The following ANKMY1 variants were observed in gnomAD, a reference collection of about 807,000 sequenced individuals.
ANKMY1 encodes ankyrin repeat and MYND domain-containing protein 1.
In ANKMY1, 98 loss-of-function variants were observed where a neutral mutation model predicts 102.0. The observed-to-expected ratio is 0.96, with a 90% CI of 0.82 to 1.14. ANKMY1 has a LOEUF of 1.14. ANKMY1 is among the 50% of genes most tolerant of loss of function. The pLI is 0.00. For missense variants in ANKMY1, 1,330 were observed against 1,347.6 expected (o/e 0.99, Z 0.20); for synonymous variants, 582 against 559.9 (o/e 1.04, Z -0.56).
chr2:240,520,257 A>G lies in ANKMY1; in HGVS notation c.2004+105T>C, dbSNP rs934220394. ...CTCACAGCCCAGGTGGTCGCCTGCA[A>G]GAGCCCACCCCTCTCTTCCGCGCCT... is the stretch of plus-strand genomic sequence containing the variant. On this transcript the variant is annotated intron_variant, in intron 9 of 17. Transcript: ENST00000401804. The surrounding 1 kb of genome is among the most constrained non-coding windows in gnomAD (Gnocchi z 4.8). 3 of 1,474,448 alleles carry G rather than the reference A, an allele frequency of 2.0e-6. No individual in the cohort carries two copies. In the South Asian group the frequency reaches 3.8e-5, roughly 19 times the overall value. 91.3% of individuals were successfully genotyped at this position (1,474,448 alleles called of 1,614,324 possible).
intron 3 of ANKMY1, 30 bp from the exon 4 acceptor site, chr2:240,553,087 G>C (rs371021587): frequency 1.2e-6 from 2 of 1,608,768 alleles, no homozygotes; most frequent in African/African-American, 2.7e-5. Context: ...GTGAGAAATT[G>C]CTGCTCTTCC....
At chr2:240,547,602 T>G (rs2090651659) in intron 4 of ANKMY1, among the ~76,000 whole-genome samples, 1 of 145,960 alleles carries the variant, frequency 6.9e-6, no homozygotes, top group Non-Finnish European at 1.5e-5. Context: ...TCAACAAAAT[T>G]GATAGACTGC....
At chr2:240,548,676 C>T (rs932542294) in intron 4 of ANKMY1, among the ~76,000 whole-genome samples, 1 of 151,724 alleles carries the variant, frequency 6.6e-6, no homozygotes, top group Admixed American at 6.6e-5. Flanking sequence ...TCTCAGGATA[C>T]AAAATCAATG....
rs755311374 is a variant in ANKMY1 at position 240,553,064 on chromosome 2, G to C, written c.337-7C>G. ...AAAACTGCCCATGGTATGACTGTGA[G>C]ATGGAGAAGTTGGTGAGAAATTGCT... is the stretch of plus-strand genomic sequence containing the variant. On this transcript the variant is annotated splice_polypyrimidine_tract_variant and splice_region_variant and intron_variant, in intron 3 of 17. Transcript: ENST00000401804. The C allele has an allele frequency of 6.2e-7, 1 of 1,610,860 alleles. No individual in the cohort carries two copies. Among genetic ancestry groups the C allele is most frequent in the Admixed American group, 1.7e-5 (1 of 59,904 alleles).
rs758770833 is a variant in ANKMY1, at chr2:240,500,560, G to A, written c.2532C>T (p.Asp844=). 1.9e-6 allele frequency: 3 copies of A among 1,613,908 alleles called. No individual in the cohort carries two copies. Among genetic ancestry groups the A allele is most frequent in the Non-Finnish European group, 2.5e-6 (3 of 1,179,850 alleles). Residue 844 remains aspartate (D), a synonymous_variant, in exon 14 of 18, where the codon GAC becomes GAT. Coordinates refer to ENST00000401804, the MANE Select transcript of ANKMY1 (RefSeq NM_001282771.3). ...TGTCGGCCCCGTGACTGATGAGTCG[G>A]TCAATCTGTGGAGAACAGAACCAGG... The part of the protein sequence containing the change: ...RNMDSKLALI[D]RLISHGADIL...
At chr2:240,515,066 AC>A (rs1484402707) in intron 9 of ANKMY1, among the ~76,000 whole-genome samples, 53 of 152,374 alleles carry the variant, frequency 3.5e-4, no homozygotes, top group African/African-American at 1.3e-3. Context: ...AGGCCCAGAG[AC>A]TATCGTAAAA....
At chr2:240,555,131 G>T in intron 2 of ANKMY1, 76 bp from the exon 3 acceptor site, 1 of 1,470,206 alleles carries the variant, frequency 6.8e-7, no homozygotes, top group Non-Finnish European at 9.4e-7. Context: ...CACAACCCCC[G>T]AGCACAACCC....
intron 15 of ANKMY1, among the ~76,000 whole-genome samples, chr2:240,488,723 A>G (rs2076323713): frequency 6.6e-6 from 1 of 152,074 alleles, no homozygotes; most frequent in Admixed American, 6.6e-5. Flanking sequence ...ATTTTTTTGT[A>G]GCCATTGTAA....
chr2:240,510,945 C>A (rs929729467), intron 11 of ANKMY1, among the ~76,000 whole-genome samples: 3 of 152,104 alleles, frequency 2.0e-5, no homozygotes, highest in African/African-American at 7.2e-5. Flanking sequence ...AGCCGCCTTC[C>A]TGGAGCCTCA....
the ANKMY1 span, among the ~76,000 whole-genome samples, chr2:240,471,353 G>A: frequency 1.3e-5 from 2 of 151,154 alleles, no homozygotes; most frequent in Admixed American, 1.3e-4. Context: ...CTGCCTCCCG[G>A]GTTCAAGCGA....
In ANKMY1 at chr2:240,499,200, T is replaced by C. The variant is rs561187777; in HGVS notation, c.2806+758A>G. On this transcript the variant is annotated intron_variant, in intron 15 of 17. Transcript: ENST00000401804. This position sits in a 1 kb window ranked among gnomAD's most constrained non-coding sequence, Gnocchi z 4.2. ...GGATCAGCAGGTTCCGGTGTGTGTGTGCACACACGTGTTAACACGTGACAG... is the reference window on the plus strand; with the variant it reads ...GGATCAGCAGGTTCCGGTGTGTGTGCGCACACACGTGTTAACACGTGACAG... 8.3e-4 allele frequency among the ~76,000 whole-genome samples: 126 copies of C among 152,158 alleles called. No individual in the cohort carries two copies. The highest frequency in any genetic ancestry group is 2.9e-3 in the African/African-American group (119 of 41,508).
In ANKMY1 at chr2:240,529,220, G is replaced by A. The variant is rs1408763716; in HGVS notation, c.770C>T (p.Pro257Leu). 1.4e-5 allele frequency: 23 copies of A among 1,614,094 alleles called. No individual in the cohort carries two copies. The Admixed American group carries it at 3.7e-4, about 26-fold the overall frequency. ...FLLNDNLTLP[P>L]EMYVYSTNSD... ...GTTGGTCGAGTAGACATACATTTCT[G>A]GAGGCAGCGTTAGGTTGTCATTCAG... The change falls in exon 5 of 18, where the codon CCA becomes CTA. Residue 257 changes from proline to leucine, a missense_variant. Physicochemically the swap from Pro to Leu is moderately conservative, Grantham distance 98. Transcript: ENST00000401804. The surrounding 1 kb of genome is among the most constrained non-coding windows in gnomAD (Gnocchi z 4.2).
chr2:240,520,509 G>C lies in ANKMY1; in HGVS notation c.1857C>G (p.Ile619Met). ...CCGCGCCCCGGCGCAGCAGCAGCTT[G>C]ATGGTCCGCCAGCGCTTCCTCCGCC... ...MIERRKRWRT[I>M]KLLLRRGADP... The change falls in exon 9 of 18, where the codon ATC (isoleucine) becomes ATG (methionine). Residue 619 changes from isoleucine (I) to methionine (M), a missense_variant. Transcript: ENST00000401804. The surrounding 1 kb of genome is among the most constrained non-coding windows in gnomAD (Gnocchi z 4.8). The C allele has an allele frequency of 6.2e-7, 1 of 1,612,880 alleles. No individual in the cohort carries two copies. Among genetic ancestry groups the C allele is most frequent in the African/African-American group, 1.3e-5 (1 of 75,050 alleles).
chr2:240,521,997 G>C (rs980623505), intron 8 of ANKMY1: 2 of 152,266 alleles, frequency 1.3e-5, no homozygotes, highest in African/African-American at 4.8e-5. Flanking sequence ...AGCACAGAAA[G>C]GAAACTAAGC....
At chr2:240,545,327 T>C (rs972941368) in intron 4 of ANKMY1, among the ~76,000 whole-genome samples, 13 of 151,930 alleles carry the variant, frequency 8.6e-5, no homozygotes, top group Admixed American at 3.9e-4. Context: ...AACTAACAAA[T>C]AGAAAGGACA....
At chr2:240,525,888 G>C (rs2083277015) in intron 6 of ANKMY1, 39 bp from the exon 7 acceptor site, 1 of 1,602,978 alleles carries the variant, frequency 6.2e-7, no homozygotes, top group Admixed American at 1.7e-5. Context: ...TGATGCACCT[G>C]GCCCTCAGGG....
intron 13 of ANKMY1, among the ~76,000 whole-genome samples, chr2:240,501,210 A>C (rs913798782): frequency 1.3e-5 from 2 of 151,930 alleles, no homozygotes; most frequent in Non-Finnish European, 2.9e-5. Flanking sequence ...GTGTGCGTGC[A>C]TGCGTGTCTG....
chr2:240,521,791 C>T (rs951718582), intron 8 of ANKMY1: 3 of 152,342 alleles, frequency 2.0e-5, no homozygotes, highest in African/African-American at 7.2e-5. Flanking sequence ...AGCCACTGCG[C>T]CTGGCCCCCC....
chr2:240,516,561 G>A (rs1031554680), intron 9 of ANKMY1, among the ~76,000 whole-genome samples: 1 of 152,202 alleles, frequency 6.6e-6, no homozygotes, highest in Non-Finnish European at 1.5e-5. Flanking sequence ...GTCTGACACA[G>A]AAATAACCAA....
Sources: gnomAD v4.1 joint callset for allele counts (sites outside exome capture counted in the v4.1 genomes callset) on GRCh38, gnomAD v4.1.1 for gene constraint, Gnocchi (gnomAD v3.1) non-coding constraint, MANE v1.5 for transcripts, NCBI Gene and HGNC (gene_info 2026-07-23, HGNC 2026-07-21) for gene names.